PRORP: variants seen among roughly 807,000 people sequenced by gnomAD.
PRORP encodes mitochondrial ribonuclease P catalytic subunit.
Under a neutral mutation model 59.4 loss-of-function variants are expected in PRORP, and 51 were observed. The observed-to-expected ratio is 0.86, with a 90% CI of 0.69 to 1.08. PRORP has a LOEUF of 1.08. Among genes scored for constraint, PRORP ranks in the 50% least tolerant of loss-of-function variants. The pLI is 0.00. For synonymous variants in PRORP, 231 were observed against 245.6 expected, an observed-to-expected ratio of 0.94 and a Z score of 0.55; for missense variants, 646 against 690.3, an observed-to-expected ratio of 0.94 and a Z score of 0.72.
intron 5 of PRORP, among the ~76,000 whole-genome samples, chr14:35,230,050 CTTTTTTTT>C (rs35309046): frequency 1.8e-5 from 2 of 109,128 alleles, no homozygotes; most frequent in East Asian, 5.8e-4. Context: ...ACTGTAAATT[CTTTTTTTT>C]TTTTTTTTTT....
intron 4 of PRORP, chr14:35,158,147 C>T (rs1595209843): frequency 7.2e-6 from 2 of 277,264 alleles, no homozygotes; most frequent in African/African-American, 2.2e-5. Flanking sequence ...TTTCCAGCTC[C>T]GTCTTCTTCA....
intron 2 of PRORP, among the ~76,000 whole-genome samples, chr14:35,125,279 G>A (rs1196099093): frequency 1.3e-5 from 2 of 152,038 alleles, no homozygotes; most frequent in Admixed American, 6.6e-5. Flanking sequence ...AGTTTGTTTT[G>A]GACCTTTCTA....
At chr14:35,122,007 T>A (rs377161064), upstream of PRORP, 1 of 1,606,638 alleles carries the variant, frequency 6.2e-7, no homozygotes, top group South Asian at 1.1e-5. Context: ...TCCTACCTGC[T>A]CCACCCCTAC....
intron 5 of PRORP, among the ~76,000 whole-genome samples, chr14:35,208,210 T>C (rs1470479707): frequency 5.9e-5 from 9 of 152,038 alleles, no homozygotes; most frequent in Admixed American, 2.0e-4. Flanking sequence ...ATCAGTACTA[T>C]GCTGTCAGCC....
intron 4 of PRORP, among the ~76,000 whole-genome samples, chr14:35,178,277 A>G (rs1035419503): frequency 3.3e-5 from 5 of 152,172 alleles, no homozygotes; most frequent in Non-Finnish European, 7.3e-5. Flanking sequence ...TGCCGAGCTG[A>G]GTTCAATTCC....
Position 35,195,846 on chromosome 14 carries a change from G to A in PRORP, c.1275+15069G>A, listed in dbSNP as rs1022965130. Among the ~76,000 whole-genome samples, 71 of 152,112 alleles carry A rather than the reference G, an allele frequency of 4.7e-4. 1 individual carries two copies. The highest frequency in any genetic ancestry group is 1.5e-3 in the African/African-American group (64 of 41,502). On this transcript the variant is annotated intron_variant, in intron 5 of 7. Coordinates refer to ENST00000534898, the MANE Select transcript of PRORP (RefSeq NM_014672.4). ...CATTTTCAAAAAAGAAGCTTCTCAT[G>A]TTTTCATAACCAACAGTTATGTTAT...
chr14:35,214,341 C>T (rs2049530552), intron 5 of PRORP, among the ~76,000 whole-genome samples: 1 of 152,136 alleles, frequency 6.6e-6, no homozygotes, highest in African/African-American at 2.4e-5. Context: ...TATCCCAGTA[C>T]ATTAGGTCAA....
intron 4 of PRORP, among the ~76,000 whole-genome samples, chr14:35,169,335 T>A (rs2048259792): frequency 6.6e-6 from 1 of 152,160 alleles, no homozygotes; most frequent in Non-Finnish European, 1.5e-5. Flanking sequence ...TGTGTGTGTA[T>A]GTGTGTATCA....
At chr14:35,182,382 C>T (rs773266893) in intron 5 of PRORP, among the ~76,000 whole-genome samples, 17 of 152,122 alleles carry the variant, frequency 1.1e-4, no homozygotes, top group African/African-American at 3.9e-4. Context: ...CGGTGGCTCA[C>T]GCCTGTAATC....
intron 5 of PRORP, among the ~76,000 whole-genome samples, chr14:35,184,654 T>A (rs1384905365): frequency 6.6e-6 from 1 of 152,158 alleles, no homozygotes; most frequent in Non-Finnish European, 1.5e-5. Flanking sequence ...GTTAATCTTT[T>A]CTGCTCCTCT....
At chr14:35,178,907 C>T (rs1200435931) in intron 4 of PRORP, among the ~76,000 whole-genome samples, 1 of 152,132 alleles carries the variant, frequency 6.6e-6, no homozygotes, top group Non-Finnish European at 1.5e-5. Flanking sequence ...TTTAGTGCTT[C>T]CTTCAGAAGC....
intron 5 of PRORP, among the ~76,000 whole-genome samples, chr14:35,239,584 C>G (rs1178652201): frequency 6.6e-6 from 1 of 152,134 alleles, no homozygotes; most frequent in Non-Finnish European, 1.5e-5. Flanking sequence ...GATGGCTGGT[C>G]TAAATTTTAG....
chr14:35,134,139 A>G (rs1343013114), intron 4 of PRORP, among the ~76,000 whole-genome samples: 1 of 152,214 alleles, frequency 6.6e-6, no homozygotes, highest in East Asian at 1.9e-4. Context: ...CAAAAATCTT[A>G]GAAGTCTACC....
chr14:35,200,150 C>T (rs560048106), intron 5 of PRORP, among the ~76,000 whole-genome samples: 5 of 152,172 alleles, frequency 3.3e-5, no homozygotes, highest in Admixed American at 2.0e-4. Flanking sequence ...ACGACAATTC[C>T]ATGATTGTGA....
At chr14:35,168,940 AT>A (rs149145128) in intron 4 of PRORP, among the ~76,000 whole-genome samples, 3 of 145,544 alleles carry the variant, frequency 2.1e-5, no homozygotes, top group Admixed American at 6.8e-5. Context: ...AGGTTCATTC[AT>A]TTTTTTTTCA....
intron 5 of PRORP, among the ~76,000 whole-genome samples, chr14:35,190,477 AC>A (rs1374503486): frequency 6.6e-6 from 1 of 151,934 alleles, no homozygotes; most frequent in Non-Finnish European, 1.5e-5. Flanking sequence ...TTTTGAAGAA[AC>A]TATGACTAAA....
chr14:35,171,822 A>G (rs1182752975), intron 4 of PRORP, among the ~76,000 whole-genome samples: 2 of 152,086 alleles, frequency 1.3e-5, no homozygotes, highest in African/African-American at 2.4e-5. Context: ...CTGAGACCCA[A>G]TTCATCTTTT....
chr14:35,159,460 T>C (rs1258545348), intron 4 of PRORP, among the ~76,000 whole-genome samples: 1 of 152,220 alleles, frequency 6.6e-6, no homozygotes, highest in South Asian at 2.1e-4. Flanking sequence ...TAGCATTTAT[T>C]AACCCTGGCA....
intron 5 of PRORP, among the ~76,000 whole-genome samples, chr14:35,261,782 A>G (rs1166277740): frequency 1.3e-5 from 2 of 152,092 alleles, no homozygotes; most frequent in Non-Finnish European, 2.9e-5. Context: ...GATTCAGACC[A>G]CTGGATCCAG....
Sources: gnomAD v4.1 joint callset for allele counts (sites outside exome capture counted in the v4.1 genomes callset) on GRCh38, gnomAD v4.1.1 for gene constraint, MANE v1.5 for transcripts, NCBI Gene and HGNC (gene_info 2026-07-23, HGNC 2026-07-21) for gene names.